Variants in NKAIN3 observed in about 807,000 individuals in gnomAD.
NKAIN3 encodes the protein sodium/potassium transporting ATPase interacting 3.
A neutral mutation model predicts 30.2 loss-of-function variants in NKAIN3; 25 were observed. The ratio of observed to expected loss-of-function variants is 0.83; its 90% CI spans 0.60 to 1.16. NKAIN3 has a LOEUF of 1.16. Among genes scored for constraint, NKAIN3 ranks in the 50% most tolerant of loss-of-function variants. The pLI, the probability that NKAIN3 is intolerant of heterozygous loss-of-function variation, is 0.00. For synonymous variants in NKAIN3, 91 were observed against 89.6 expected (o/e 1.02, Z -0.09); for missense variants, 225 against 254.1 (o/e 0.89, Z 0.78).
At chr8:62,332,597 C>T (rs529586088) in intron 1 of NKAIN3, among the ~76,000 whole-genome samples, 10 of 151,944 alleles carry the variant, frequency 6.6e-5, no homozygotes, top group Admixed American at 6.6e-4. Context: ...GACTGCAGTC[C>T]GAGAAGGTTA....
At chr8:62,541,701 C>T (rs945491649) in intron 1 of NKAIN3, among the ~76,000 whole-genome samples, 27 of 151,240 alleles carry the variant, frequency 1.8e-4, no homozygotes, top group African/African-American at 6.3e-4. Context: ...TTATTTTTTT[C>T]ATCTATTATC....
At chr8:62,519,721 A>G (rs967425593) in intron 1 of NKAIN3, among the ~76,000 whole-genome samples, 2 of 152,124 alleles carry the variant, frequency 1.3e-5, no homozygotes, top group East Asian at 1.9e-4. Context: ...AACATATAAA[A>G]ACATCATTTT....
At chr8:62,784,363 C>T (rs1396610374) in intron 4 of NKAIN3, among the ~76,000 whole-genome samples, 1 of 151,592 alleles carries the variant, frequency 6.6e-6, no homozygotes, top group East Asian at 1.9e-4. Context: ...AAAAGACCAA[C>T]AAAACTGATA....
intron 3 of NKAIN3, among the ~76,000 whole-genome samples, chr8:62,616,927 T>C (rs571935525): frequency 9.8e-4 from 149 of 152,350 alleles, no homozygotes; most frequent in Admixed American, 2.0e-3. Flanking sequence ...GTTTGGGTCA[T>C]GAGGGATTTC....
chr8:62,686,435 T>A (rs990709137), intron 3 of NKAIN3, among the ~76,000 whole-genome samples: 1 of 152,082 alleles, frequency 6.6e-6, no homozygotes. Flanking sequence ...AGTGTGACAA[T>A]CTCTGTACAG....
chr8:62,489,341 G>A (rs1333018623), intron 1 of NKAIN3, among the ~76,000 whole-genome samples: 5 of 152,212 alleles, frequency 3.3e-5, no homozygotes, highest in African/African-American at 7.2e-5. Context: ...GTCTTAAAGT[G>A]CAATCATAGC....
chr8:62,644,259 T>C (rs117202044), intron 3 of NKAIN3, among the ~76,000 whole-genome samples: 1 of 152,206 alleles, frequency 6.6e-6, no homozygotes, highest in Non-Finnish European at 1.5e-5. Context: ...GTAGTTCCCG[T>C]AGGTCTTTTT....
chr8:62,533,224 G>A (rs1808541451), intron 1 of NKAIN3, among the ~76,000 whole-genome samples: 1 of 152,198 alleles, frequency 6.6e-6, no homozygotes, highest in South Asian at 2.1e-4. Flanking sequence ...ATGTGCCTTT[G>A]AGTAAGCACC....
intron 4 of NKAIN3, among the ~76,000 whole-genome samples, chr8:62,862,314 A>G (rs1820272778): frequency 6.6e-6 from 1 of 152,154 alleles, no homozygotes. Flanking sequence ...AAAAGAAAAT[A>G]TGGAATCAAT....
chr8:62,469,124 C>T (rs1373027662), intron 1 of NKAIN3, among the ~76,000 whole-genome samples: 2 of 152,100 alleles, frequency 1.3e-5, no homozygotes, highest in Admixed American at 1.3e-4. Flanking sequence ...GACTTCACAC[C>T]TCCGAGCCTA....
intron 3 of NKAIN3, among the ~76,000 whole-genome samples, chr8:62,738,519 G>C (rs1815749881): frequency 6.8e-6 from 1 of 148,026 alleles, no homozygotes; most frequent in Non-Finnish European, 1.5e-5. Context: ...GAATTGCTTG[G>C]ACCTAGGAGG....
intron 4 of NKAIN3, among the ~76,000 whole-genome samples, chr8:62,914,796 T>G (rs1325413016): frequency 4.1e-5 from 6 of 145,044 alleles, no homozygotes; most frequent in Admixed American, 2.1e-4. Flanking sequence ...TTTTTTTTTT[T>G]GCTATTATAC....
intron 1 of NKAIN3, among the ~76,000 whole-genome samples, chr8:62,492,802 G>A (rs190876225): frequency 1.3e-5 from 2 of 152,142 alleles, no homozygotes; most frequent in Non-Finnish European, 1.5e-5. Context: ...TCGGTCCAGT[G>A]GTAGTTCTGT....
chr8:62,809,412 T>C (rs57256412), intron 4 of NKAIN3, among the ~76,000 whole-genome samples: 29,468 of 152,100 alleles, frequency 0.19, 3,271 homozygotes, highest in African/African-American at 0.29. Flanking sequence ...AAGACAGGCA[T>C]AAGAAATTAT....
chr8:62,525,343 G>A (rs1175293898), intron 1 of NKAIN3, among the ~76,000 whole-genome samples: 1 of 152,128 alleles, frequency 6.6e-6, no homozygotes, highest in African/African-American at 2.4e-5. Context: ...TGAAGGAAAG[G>A]ATATCAGAAG....
intron 1 of NKAIN3, among the ~76,000 whole-genome samples, chr8:62,504,591 G>A (rs575419190): frequency 2.3e-4 from 35 of 152,118 alleles, no homozygotes; most frequent in African/African-American, 8.4e-4. Context: ...CTGGATTGTT[G>A]CAATAACAAT....
intron 1 of NKAIN3, among the ~76,000 whole-genome samples, chr8:62,481,810 A>G (rs1276489334): frequency 2.0e-5 from 3 of 152,218 alleles, no homozygotes; most frequent in Non-Finnish European, 4.4e-5. Flanking sequence ...ATAAAGTCCT[A>G]TATTGGATAG....
rs113984807 is a variant in NKAIN3, at chr8:62,978,760, G to A, written c.*13353G>A. On this transcript the variant is annotated 3_prime_UTR_variant, in exon 7 of 7. Coordinates refer to ENST00000623646, the MANE Select transcript of NKAIN3 (RefSeq NM_001304533.3). ...CTCTGGCATTCCAGACAACTCTGGG[G>A]TACGAAAAAAACTCCTACAGCTAGC... The A allele has an allele frequency of 0.11, 16,228 of 153,034 alleles. 899 individuals are homozygous for A. Among genetic ancestry groups the A allele is most frequent in the South Asian group, 0.17 (820 of 4,822 alleles). 9.5% of individuals were successfully genotyped at this position (153,034 alleles called of 1,614,324 possible). A position where few individuals can be genotyped will look rare whatever the true frequency, so the allele number is the denominator to read the frequency against.
rs1313264875 is a variant in NKAIN3 at position 62,973,249 on chromosome 8, G to C, written c.*7842G>C. ...TAGATCCTTGAGGAATTGCCACACT[G>C]TCATCCACAATGGTTGAAGTAAATT... On this transcript the variant is annotated 3_prime_UTR_variant, in exon 7 of 7. Transcript: ENST00000623646. Among the ~76,000 whole-genome samples the C allele has an allele frequency of 6.6e-6, 1 of 152,208 alleles. No individual in the cohort carries two copies. Among genetic ancestry groups the C allele is most frequent in the Non-Finnish European group, 1.5e-5 (1 of 68,048 alleles).
Sources: gnomAD v4.1 joint callset for allele counts (sites outside exome capture counted in the v4.1 genomes callset) on GRCh38, gnomAD v4.1.1 for gene constraint, MANE v1.5 for transcripts, NCBI Gene and HGNC (gene_info 2026-07-23, HGNC 2026-07-21) for gene names.